UBXN7: variants seen among roughly 807,000 people sequenced by gnomAD.
UBXN7 encodes the protein UBX domain-containing protein 7.
A neutral mutation model predicts 58.0 loss-of-function variants in UBXN7; 9 were observed. The observed-to-expected ratio is 0.16, with a 90% CI of 0.09 to 0.27. The LOEUF (loss-of-function observed/expected upper bound fraction) is 0.27. Ranked by LOEUF, UBXN7 falls within the 10% of genes least tolerant of loss-of-function variation. UBXN7 has a pLI of 1.00. For missense variants in UBXN7, 328 were observed against 599.6 expected, an observed-to-expected ratio of 0.55 and a Z score of 4.73; for synonymous variants, 208 against 205.0, an observed-to-expected ratio of 1.01 and a Z score of -0.12.
chr3:196,357,515 T>C (rs1041306857), intron 10 of UBXN7, among the ~76,000 whole-genome samples: 3 of 152,122 alleles, frequency 2.0e-5, no homozygotes, highest in African/African-American at 7.2e-5. Flanking sequence ...TGCTCACACC[T>C]GTAATCCCTG....
rs1728182663 is a variant in UBXN7, at chr3:196,350,433, T to TA, written c.*6251dup. Reference sequence around the variant, plus strand: ...GCCTCAAAAATGTCCTTCAATTTTATAAAAAATGAAGATTGTTACATATTA... The same window carrying TA: ...GCCTCAAAAATGTCCTTCAATTTTATAAAAAAATGAAGATTGTTACATATTA... On this transcript the variant is annotated 3_prime_UTR_variant, in exon 11 of 11. Transcript: ENST00000296328. The TA allele has an allele frequency of 6.6e-6, 1 of 152,318 alleles. No individual in the cohort carries two copies. The highest frequency in any genetic ancestry group is 2.1e-4 in the South Asian group (1 of 4,832). The allele number at this position is 152,318 out of a possible 1,614,324, so 9.4% of individuals were successfully genotyped here. A position where few individuals can be genotyped will look rare whatever the true frequency, so the allele number is the denominator to read the frequency against.
intron 1 of UBXN7, 128 bp from the exon 2 acceptor site, chr3:196,407,521 T>A: frequency 7.6e-7 from 1 of 1,323,552 alleles, no homozygotes; most frequent in Non-Finnish European, 1.0e-6. Context: ...AATGACTTTC[T>A]TGTGAAATAC....
intron 1 of UBXN7, among the ~76,000 whole-genome samples, chr3:196,426,362 G>A (rs150736942): frequency 0.012 from 1,755 of 148,788 alleles, 21 homozygotes; most frequent in Non-Finnish European, 0.02. Flanking sequence ...CTCCAGCCTG[G>A]GTGACAGGAT....
chr3:196,388,727 C>T (rs1231609382), intron 5 of UBXN7, among the ~76,000 whole-genome samples: 1 of 152,160 alleles, frequency 6.6e-6, no homozygotes, highest in Non-Finnish European at 1.5e-5. Flanking sequence ...TATGGGCCCT[C>T]CTTGGTCAGC....
intron 10 of UBXN7, among the ~76,000 whole-genome samples, chr3:196,360,555 T>C (rs1306726661): frequency 2.6e-5 from 4 of 152,214 alleles, no homozygotes; most frequent in Non-Finnish European, 4.4e-5. Context: ...TTAAGCCCAC[T>C]GTTCAGACCT....
chr3:196,430,237 C>T (rs921123851), intron 1 of UBXN7, among the ~76,000 whole-genome samples: 1 of 151,736 alleles, frequency 6.6e-6, no homozygotes, highest in East Asian at 1.9e-4. Context: ...CGCTTGTAGT[C>T]CCAGCTACTC....
At chr3:196,405,891 T>A (rs1460480931) in intron 2 of UBXN7, among the ~76,000 whole-genome samples, 1 of 152,242 alleles carries the variant, frequency 6.6e-6, no homozygotes, top group Non-Finnish European at 1.5e-5. Flanking sequence ...TAGGAAAAGA[T>A]ATTCATTTAT....
At chr3:196,365,220 T>A in intron 8 of UBXN7, among the ~76,000 whole-genome samples, 4 of 139,060 alleles carry the variant, frequency 2.9e-5, no homozygotes, top group South Asian at 2.2e-4. Flanking sequence ...GAGAAAGGTA[T>A]CAAATTAATG....
rs75196927 is a variant in UBXN7 at position 196,385,506 on chromosome 3, G to A, written c.468+6307C>T. Among the ~76,000 whole-genome samples the A allele has an allele frequency of 4.7e-5, 7 of 150,110 alleles. No homozygotes were observed. The East Asian group carries it at 8.0e-4, about 17-fold the overall frequency. Reference sequence around the variant, plus strand: ...GAGCGTCTCTGCCCAGCCACCCATCGTCTGGGATGTGGGGAGTGCCTCTGC... The same window carrying A: ...GAGCGTCTCTGCCCAGCCACCCATCATCTGGGATGTGGGGAGTGCCTCTGC... On this transcript the variant is annotated intron_variant, in intron 5 of 10. Transcript: ENST00000296328.
intron 8 of UBXN7, 97 bp from the exon 9 acceptor site, chr3:196,362,784 T>A: frequency 2.8e-6 from 4 of 1,432,802 alleles, no homozygotes; most frequent in Non-Finnish European, 3.7e-6. Flanking sequence ...CATTCATTAT[T>A]ATGTTCTGCT....
intron 4 of UBXN7, among the ~76,000 whole-genome samples, chr3:196,393,225 T>G (rs530362447): frequency 1.1e-3 from 165 of 152,364 alleles, no homozygotes; most frequent in Admixed American, 2.1e-3. Flanking sequence ...TCATTATATA[T>G]TCCTTTCATT....
intron 5 of UBXN7, among the ~76,000 whole-genome samples, chr3:196,375,252 G>A (rs1728981271): frequency 1.3e-5 from 2 of 149,572 alleles, no homozygotes; most frequent in East Asian, 4.0e-4. Context: ...TGGAAGGTAA[G>A]GACAGGTTAA....
At chr3:196,386,855 A>AAG (rs1013509202) in intron 5 of UBXN7, among the ~76,000 whole-genome samples, 1 of 152,220 alleles carries the variant, frequency 6.6e-6, no homozygotes, top group African/African-American at 2.4e-5. Flanking sequence ...GAACTGGAAA[A>AAG]AACTACTTTA....
chr3:196,418,781 CA>C (rs1286958997), intron 1 of UBXN7, among the ~76,000 whole-genome samples: 3 of 152,164 alleles, frequency 2.0e-5, no homozygotes, highest in Admixed American at 6.5e-5. Context: ...TACGACACAA[CA>C]AATAAAACCA....
chr3:196,370,231 G>A (rs967589770), intron 6 of UBXN7, among the ~76,000 whole-genome samples: 1 of 151,642 alleles, frequency 6.6e-6, no homozygotes, highest in Non-Finnish European at 1.5e-5. Context: ...GAGGCCAGGA[G>A]TTTGAGACCA....
At chr3:196,403,170 G>T (rs1440215502) in intron 2 of UBXN7, 151 bp from the exon 3 acceptor site, 2 of 791,162 alleles carry the variant, frequency 2.5e-6, no homozygotes, top group Non-Finnish European at 3.8e-6. Flanking sequence ...TTTTGGGGGG[G>T]CGGTGGAGAC....
intron 8 of UBXN7, among the ~76,000 whole-genome samples, chr3:196,367,527 G>A (rs1226292156): frequency 2.6e-5 from 4 of 152,066 alleles, no homozygotes; most frequent in Non-Finnish European, 5.9e-5. Flanking sequence ...CTAGCTATTC[G>A]GGCAGTTGAG....
chr3:196,405,030 T>C (rs1458242499), intron 2 of UBXN7, among the ~76,000 whole-genome samples: 1 of 152,090 alleles, frequency 6.6e-6, no homozygotes, highest in East Asian at 1.9e-4. Context: ...GGCATGCGCC[T>C]ATAGTCCCAG....
At chr3:196,372,331 C>T (rs1728865901) in intron 5 of UBXN7, among the ~76,000 whole-genome samples, 6 of 110,800 alleles carry the variant, frequency 5.4e-5, no homozygotes, top group African/African-American at 5.9e-5. Context: ...TCTCTCCTTT[C>T]TTTCTTTCTT....
Sources: allele counts gnomAD v4.1 joint callset (sites outside exome capture counted in the v4.1 genomes callset), GRCh38; gene constraint gnomAD v4.1.1; transcripts MANE v1.5; gene names NCBI Gene and HGNC (gene_info 2026-07-23, HGNC 2026-07-21).